TDRD9: variants seen among roughly 807,000 people sequenced by gnomAD.
TDRD9 encodes ATP-dependent RNA helicase TDRD9.
Under a neutral mutation model 172.6 loss-of-function variants are expected in TDRD9, and 124 were observed. The ratio of observed to expected loss-of-function variants is 0.72; its 90% confidence interval spans 0.62 to 0.83. The LOEUF (loss-of-function observed/expected upper bound fraction) is 0.83. Among genes scored for constraint, TDRD9 ranks in the 40% least tolerant of loss-of-function variants. The probability of loss-of-function intolerance (pLI) is 0.00; values close to 1 mark genes in which losing one functional copy is unlikely to be tolerated. For missense variants in TDRD9, 1,479 were observed against 1,714.1 expected, an observed-to-expected ratio of 0.86 and a Z score of 2.42; for synonymous variants, 619 against 617.1, an observed-to-expected ratio of 1.00 and a Z score of -0.05.
At chr14:103,941,232 A>G (rs1477069042) in intron 1 of TDRD9, 2 of 969,146 alleles carry the variant, frequency 2.1e-6, no homozygotes, top group Non-Finnish European at 3.0e-6. Context: ...TTGTTTTAAA[A>G]TTATGCTTCT....
At chr14:104,013,293 G>C (rs970611769) in intron 20 of TDRD9, among the ~76,000 whole-genome samples, 4 of 152,156 alleles carry the variant, frequency 2.6e-5, no homozygotes, top group Non-Finnish European at 5.9e-5. Flanking sequence ...TTGACATTTT[G>C]TGTGAAACAG....
Position 104,040,292 on chromosome 14 carries a change from G to A in TDRD9, c.3813G>A (p.Glu1271=). The stretch of plus-strand genomic sequence containing the variant: ...CCATACTGCCCGAGCACGACATGGA[G>A]CTTGCGTTTGACGTTCAATTCAGCG... ...GASILPEHDM[E]LAFDVQFSVE... The change falls in exon 33 of 36, where the codon GAG becomes GAA. Residue 1271 remains glutamate (E), a synonymous_variant. Coordinates refer to ENST00000409874, the MANE Select transcript of TDRD9 (RefSeq NM_153046.3). 1 of 1,551,690 alleles carries A rather than the reference G, an allele frequency of 6.4e-7. No homozygotes were observed. Among genetic ancestry groups the A allele is most frequent in the South Asian group, 1.2e-5 (1 of 83,972 alleles).
At chr14:103,932,622 C>G (rs1461198023) in intron 1 of TDRD9, among the ~76,000 whole-genome samples, 1 of 151,682 alleles carries the variant, frequency 6.6e-6, no homozygotes, top group Non-Finnish European at 1.5e-5. Flanking sequence ...CTCCTGGCCT[C>G]GTGATCTGCC....
At chr14:104,008,616 C>G (rs2034518161) in intron 20 of TDRD9, 150 bp downstream of exon 20, 1 of 606,272 alleles carries the variant, frequency 1.6e-6, no homozygotes, top group Non-Finnish European at 2.9e-6. Flanking sequence ...GTAGGAGTGT[C>G]TCTTGTGTTT....
At position 103,929,191 on chromosome 14, in the gene TDRD9, G is replaced by A. The variant is rs77724454; in HGVS notation, c.215+467G>A. 2.2e-3 allele frequency among the ~76,000 whole-genome samples: 334 copies of A among 152,128 alleles called. 1 individual carries two copies. The highest frequency in any genetic ancestry group is 3.7e-3 in the Non-Finnish European group (254 of 68,010). Reference sequence around the variant, plus strand: ...CTGTGGGTTTGGACAAACGCCTAACGTCACGCATTACAGAGTTCACTGACC... The same window carrying A: ...CTGTGGGTTTGGACAAACGCCTAACATCACGCATTACAGAGTTCACTGACC... On this transcript the variant is annotated intron_variant, in intron 1 of 35. Transcript: ENST00000409874.
intron 21 of TDRD9, among the ~76,000 whole-genome samples, chr14:104,015,173 T>C (rs537227039): frequency 2.4e-4 from 36 of 152,324 alleles, no homozygotes; most frequent in Non-Finnish European, 4.4e-4. Context: ...TTTTAGCTTT[T>C]AAGAAAGTGA....
At chr14:104,005,546 T>C (rs1285207821) in intron 15 of TDRD9, 141 bp downstream of exon 15, 2 of 880,842 alleles carry the variant, frequency 2.3e-6, no homozygotes, top group African/African-American at 3.3e-5. Flanking sequence ...CCTGCCTCAC[T>C]TTCCCGCTAA....
intron 1 of TDRD9, 173 bp downstream of exon 1, chr14:103,928,897 G>T (rs1438983251): frequency 3.6e-6 from 1 of 278,548 alleles, no homozygotes; most frequent in South Asian, 1.7e-4. Flanking sequence ...GGCCCAGAGC[G>T]GTGCCTGTAA....
intron 18 of TDRD9, 93 bp from the exon 19 acceptor site, chr14:104,007,067 A>T: frequency 2.4e-6 from 3 of 1,261,498 alleles, no homozygotes; most frequent in Non-Finnish European, 3.3e-6. Flanking sequence ...GTAAATTTTT[A>T]TGTTGTAAAT....
chr14:104,033,176 T>C (rs929062122), intron 30 of TDRD9, among the ~76,000 whole-genome samples: 5 of 152,164 alleles, frequency 3.3e-5, no homozygotes, highest in African/African-American at 1.2e-4. Flanking sequence ...TTTGGGTAAG[T>C]CTTGTCTTCT....
chr14:104,022,316 G>A lies in TDRD9; in HGVS notation c.2592G>A (p.Lys864=). 6.2e-7 allele frequency: 1 copy of A among 1,611,726 alleles called. No homozygotes were observed. The highest frequency in any genetic ancestry group is 8.5e-7 in the Non-Finnish European group (1 of 1,178,778). Residue 864 remains lysine, a synonymous_variant, in exon 24 of 36, where the codon AAG becomes AAA. Coordinates refer to ENST00000409874, the MANE Select transcript of TDRD9 (RefSeq NM_153046.3). The stretch of plus-strand genomic sequence containing the variant: ...AGGTGCAAGGCATGAACGTCTCAAA[G>A]CTCAGGAACACAAGGTATTTTCGGG... ...EGKVQGMNVS[K]LRNTRVNVDF...
chr14:103,933,064 AC>A (rs1309836579), intron 1 of TDRD9, among the ~76,000 whole-genome samples: 3 of 152,184 alleles, frequency 2.0e-5, no homozygotes, highest in African/African-American at 7.2e-5. Flanking sequence ...CCTGTGGGGA[AC>A]AATTTATAAA....
intron 8 of TDRD9, among the ~76,000 whole-genome samples, chr14:103,988,935 A>G (rs2033773451): frequency 6.6e-6 from 1 of 152,078 alleles, no homozygotes; most frequent in Admixed American, 6.5e-5. Context: ...ATCTTTTGTT[A>G]TTAACTAATT....
At chr14:104,050,995 G>T (rs1286759252) in intron 35 of TDRD9, among the ~76,000 whole-genome samples, 3 of 152,078 alleles carry the variant, frequency 2.0e-5, no homozygotes, top group African/African-American at 7.2e-5. Context: ...AGATTCAAGG[G>T]GTACATGTGC....
At chr14:104,008,220 T>C (rs1444832255) in intron 19 of TDRD9, among the ~76,000 whole-genome samples, 193 bp from the exon 20 acceptor site, 1 of 152,240 alleles carries the variant, frequency 6.6e-6, no homozygotes, top group Non-Finnish European at 1.5e-5. Flanking sequence ...ATTGTGTTTA[T>C]GGTTGAGTAT....
rs558458482 is a variant in TDRD9 at position 104,041,690 on chromosome 14, A to G, written c.3856-379A>G. ...ATCCAAAACCTGACAGTAACCAGCA[A>G]TGGCAAGGAGGTGGTGCAGGGGGAC... On this transcript the variant is annotated intron_variant, in intron 33 of 35. Transcript: ENST00000409874. Among the ~76,000 whole-genome samples, 88 of 152,310 alleles carry G rather than the reference A, an allele frequency of 5.8e-4. 1 individual carries two copies. Among genetic ancestry groups the G allele is most frequent in the Middle Eastern group, 3.4e-3 (1 of 294 alleles).
intron 2 of TDRD9, among the ~76,000 whole-genome samples, chr14:103,959,528 GTCTATTTCTATT>G (rs941307785): frequency 4.0e-5 from 6 of 148,932 alleles, no homozygotes; most frequent in African/African-American, 1.5e-4. Context: ...CTATTTCTAT[GTCTATTTCTATT>G]AAAACCATGA....
chr14:103,944,845 G>A (rs762550402), intron 1 of TDRD9, among the ~76,000 whole-genome samples: 62 of 152,210 alleles, frequency 4.1e-4, no homozygotes, highest in Non-Finnish European at 8.1e-4. Context: ...GATTACAGGC[G>A]TGAGCCACCG....
At chr14:103,933,302 C>G (rs184954577) in intron 1 of TDRD9, among the ~76,000 whole-genome samples, 1 of 152,216 alleles carries the variant, frequency 6.6e-6, no homozygotes, top group Admixed American at 6.5e-5. Flanking sequence ...GGGAGCCTTG[C>G]GTCACTCCCA....
Sources: allele counts gnomAD v4.1 joint callset (sites outside exome capture counted in the v4.1 genomes callset), GRCh38; gene constraint gnomAD v4.1.1; transcripts MANE v1.5; gene names NCBI Gene and HGNC (gene_info 2026-07-23, HGNC 2026-07-21).